The following SOAT1 variants were observed in gnomAD, a reference collection of about 807,000 sequenced individuals.
SOAT1 encodes acyl-coenzyme A:cholesterol acyltransferase 1.
Under a neutral mutation model 69.5 loss-of-function variants are expected in SOAT1, and 55 were observed. That is an observed-to-expected ratio of 0.79 (90% CI 0.64 to 0.99). The LOEUF is 0.99. Ranked by LOEUF, SOAT1 falls within the 50% of genes least tolerant of loss-of-function variation. The pLI is 0.00. For missense variants in SOAT1, 580 were observed against 669.3 expected (o/e 0.87, Z 1.47); for synonymous variants, 231 against 224.7 (o/e 1.03, Z -0.25).
In SOAT1 at chr1:179,341,238, T is replaced by C. The variant is rs763038591; in HGVS notation, c.708T>C (p.Gly236=). ...LFMIFQIGVL[G]FGPTYVVLAY... The stretch of plus-strand genomic sequence containing the variant: ...TGATCTTCCAGATTGGAGTTCTAGG[T>C]TTTGGACCAACATATGTTGTGTTAG... Residue 236 remains glycine (G), a synonymous_variant, in exon 7 of 16, where the codon GGT becomes GGC. Transcript: ENST00000367619. 3 of 1,614,158 alleles carry C rather than the reference T, an allele frequency of 1.9e-6. No homozygotes were observed. In the South Asian group the frequency reaches 3.3e-5, roughly 18 times the overall value.
intron 2 of SOAT1, among the ~76,000 whole-genome samples, chr1:179,310,601 C>G (rs114012641): frequency 3.9e-4 from 60 of 152,236 alleles, no homozygotes; most frequent in African/African-American, 1.4e-3. Context: ...AAGTGATTGA[C>G]TCTTTCAAGA....
chr1:179,337,089 A>G (rs372805881), intron 4 of SOAT1, among the ~76,000 whole-genome samples: 3 of 152,110 alleles, frequency 2.0e-5, no homozygotes, highest in Admixed American at 6.5e-5. Context: ...TTTCTAATTG[A>G]TGGTTCATCC....
chr1:179,321,169 G>A (rs1415993339), intron 2 of SOAT1, among the ~76,000 whole-genome samples: 5 of 152,006 alleles, frequency 3.3e-5, no homozygotes, highest in Admixed American at 3.3e-4. Context: ...GCCTCCCAAA[G>A]TGCTGGGATT....
Position 179,315,844 on chromosome 1 carries a change from T to C in SOAT1, c.119-7593T>C, listed in dbSNP as rs145879568. 1.2e-3 allele frequency among the ~76,000 whole-genome samples: 186 copies of C among 152,348 alleles called. 1 individual carries two copies. The highest frequency in any genetic ancestry group is 4.0e-3 in the African/African-American group (168 of 41,590). ...TCTCCTTACCAATCCTCCTCTCCCA[T>C]GGTAGCTGAATTAGTTGAAGGAAAG... On this transcript the variant is annotated intron_variant, in intron 2 of 15. Transcript: ENST00000367619.
In SOAT1 at chr1:179,335,555, T is replaced by G. The variant is rs1280832101; in HGVS notation, c.227T>G (p.Phe76Cys). 2 of 1,613,326 alleles carry G rather than the reference T, an allele frequency of 1.2e-6. No homozygotes were observed. The highest frequency in any genetic ancestry group is 1.7e-6 in the Non-Finnish European group (2 of 1,179,600). ...GAAGTTGGCAGTCACTTTGATGATT[T>G]TGTGACCAATCTCATTGAAAAGTCA... ...MKEVGSHFDD[F>C]VTNLIEKSAS... The change falls in exon 4 of 16, where the codon TTT (phenylalanine) becomes TGT (cysteine). Residue 76 changes from phenylalanine (F) to cysteine (C), a missense_variant. Coordinates refer to ENST00000367619, the MANE Select transcript of SOAT1 (RefSeq NM_003101.6).
chr1:179,301,957 C>T (rs951520274), intron 1 of SOAT1, among the ~76,000 whole-genome samples: 9 of 151,708 alleles, frequency 5.9e-5, no homozygotes, highest in Admixed American at 5.2e-4. Flanking sequence ...TTGTTTTTAC[C>T]ATTGACTTTG....
chr1:179,329,429 C>T (rs937223232), intron 3 of SOAT1, among the ~76,000 whole-genome samples: 1 of 152,098 alleles, frequency 6.6e-6, no homozygotes, highest in African/African-American at 2.4e-5. Flanking sequence ...GTAACGCCTT[C>T]TAAATAAGTT....
intron 13 of SOAT1, 77 bp downstream of exon 13, chr1:179,349,019 G>A: frequency 1.2e-6 from 1 of 804,368 alleles, no homozygotes; most frequent in Non-Finnish European, 2.1e-6. Flanking sequence ...TTATACAGCT[G>A]GAAGAAGTTA....
At chr1:179,343,505 G>A (rs1406507558) in intron 9 of SOAT1, 85 bp from the exon 10 acceptor site, 7 of 1,274,380 alleles carry the variant, frequency 5.5e-6, no homozygotes, top group Non-Finnish European at 7.8e-6. Context: ...CACCGCGCCT[G>A]ACCAAAAAAC....
At chr1:179,341,443 A>T in intron 7 of SOAT1, 133 bp downstream of exon 7, 3 of 906,292 alleles carry the variant, frequency 3.3e-6, no homozygotes, top group Middle Eastern at 2.7e-4. Context: ...TTTTGCCATT[A>T]TCTGTAAAAT....
intron 3 of SOAT1, among the ~76,000 whole-genome samples, chr1:179,333,397 T>TAA (rs34739118): frequency 0.26 from 39,029 of 147,352 alleles, 5,220 homozygotes; most frequent in East Asian, 0.46. Flanking sequence ...ATTCCTCTTC[T>TAA]AAAAAAAAAA....
rs1666847018 is a variant in SOAT1 at position 179,354,538 on chromosome 1, AATT to A, written c.*901_*903del. The A allele has an allele frequency of 6.6e-6, 1 of 152,192 alleles. No homozygotes were observed. The highest frequency in any genetic ancestry group is 6.5e-5 in the Admixed American group (1 of 15,268). 9.4% of individuals were successfully genotyped at this position (152,192 alleles called of 1,614,324 possible). On this transcript the variant is annotated 3_prime_UTR_variant, in exon 16 of 16. Transcript: ENST00000367619. ...GTTATTTAGAAATATCCTTTGGAAC[AATT>A]ATTTTATTGTCTAATAAATATTGAC... is the stretch of plus-strand genomic sequence containing the variant.
rs751259141 is a variant in SOAT1, at chr1:179,341,296, A to G, written c.766A>G (p.Ile256Val). ...ACTGCCACCAGCTTCCCGGTTCATC[A>G]TTATATTCGAGCAGGTAAGGTTTTA... ...YTLPPASRFI[I>V]IFEQIRFVMK... Residue 256 changes from isoleucine (I) to valine (V), a missense_variant, in exon 7 of 16, where the codon ATT becomes GTT. Coordinates refer to ENST00000367619, the MANE Select transcript of SOAT1 (RefSeq NM_003101.6). The G allele has an allele frequency of 1.2e-6, 2 of 1,613,966 alleles. No individual in the cohort carries two copies. Among genetic ancestry groups the G allele is most frequent in the Non-Finnish European group, 1.7e-6 (2 of 1,179,950 alleles).
In SOAT1 at chr1:179,348,884, C is replaced by T. The variant is rs1666626660; in HGVS notation, c.1256C>T (p.Thr419Ile). 3 of 1,608,598 alleles carry T rather than the reference C, an allele frequency of 1.9e-6. No individual in the cohort carries two copies. The highest frequency in any genetic ancestry group is 2.6e-6 in the Non-Finnish European group (3 of 1,176,362). Reference sequence around the variant, plus strand: ...ACGTCATACTCCAACTATTATAGAACCTGGAATGTGGTGGTCCATGACTGG... The same window carrying T: ...ACGTCATACTCCAACTATTATAGAATCTGGAATGTGGTGGTCCATGACTGG... Reference protein sequence around the residue: ...NSTSYSNYYRTWNVVVHDWLY... With the variant: ...NSTSYSNYYRIWNVVVHDWLY... The change falls in exon 13 of 16, where the codon ACC (threonine) becomes ATC (isoleucine). Residue 419 changes from threonine (T) to isoleucine (I), a missense_variant. Physicochemically the swap from Thr to Ile is moderately conservative, Grantham distance 89 (BLOSUM62 -1). Coordinates refer to ENST00000367619, the MANE Select transcript of SOAT1 (RefSeq NM_003101.6).
At chr1:179,331,282 G>C (rs1281378215) in intron 3 of SOAT1, among the ~76,000 whole-genome samples, 1 of 152,166 alleles carries the variant, frequency 6.6e-6, no homozygotes, top group East Asian at 1.9e-4. Flanking sequence ...CGAATGTTTA[G>C]CAGTTCAATT....
intron 5 of SOAT1, among the ~76,000 whole-genome samples, chr1:179,338,676 A>T (rs553173441): frequency 1.4e-4 from 21 of 152,204 alleles, no homozygotes; most frequent in Non-Finnish European, 1.3e-4. Flanking sequence ...AAGGGAAAAG[A>T]AAATTTATTT....
chr1:179,324,663 A>C (rs754983116), intron 3 of SOAT1, among the ~76,000 whole-genome samples: 1 of 152,236 alleles, frequency 6.6e-6, no homozygotes, highest in African/African-American at 2.4e-5. Flanking sequence ...TTTCTGATGA[A>C]TGTCTTTTCC....
chr1:179,312,027 A>T, intron 2 of SOAT1, among the ~76,000 whole-genome samples: 1 of 152,216 alleles, frequency 6.6e-6, no homozygotes, highest in East Asian at 1.9e-4. Flanking sequence ...GAAACATAGA[A>T]GACATTTAAG....
chr1:179,348,754 G>T, intron 12 of SOAT1, 90 bp from the exon 13 acceptor site: 2 of 675,494 alleles, frequency 3.0e-6, no homozygotes, highest in Non-Finnish European at 5.1e-6. Context: ...TTTGCTTTCG[G>T]GTGGGATGTG....
Sources: gnomAD v4.1 joint callset for allele counts (sites outside exome capture counted in the v4.1 genomes callset) on GRCh38, gnomAD v4.1.1 for gene constraint, MANE v1.5 for transcripts, NCBI Gene and HGNC (gene_info 2026-07-23, HGNC 2026-07-21) for gene names.